The following PCDHA10 variants were observed in gnomAD, a reference collection of about 807,000 sequenced individuals.
PCDHA10 encodes the protein protocadherin alpha 10, also known as protocadherin alpha-10.
PCDHA10 carries 45 observed loss-of-function variants against 61.2 expected under a neutral mutation model. The ratio of observed to expected loss-of-function variants is 0.74; its 90% CI spans 0.58 to 0.94. The LOEUF is 0.94. Ranked by LOEUF, PCDHA10 falls within the 40% of genes least tolerant of loss-of-function variation. The probability of loss-of-function intolerance (pLI) is 0.00; values close to 1 mark genes in which losing one functional copy is unlikely to be tolerated. For synonymous variants in PCDHA10, 602 were observed against 548.8 expected (o/e 1.10, Z -1.35); for missense variants, 1,278 against 1,236.2 (o/e 1.03, Z -0.51).
At chr5:140,920,959 T>G (rs2079949518) in intron 1 of PCDHA10, among the ~76,000 whole-genome samples, 1 of 152,072 alleles carries the variant, frequency 6.6e-6, no homozygotes, top group Non-Finnish European at 1.5e-5. Flanking sequence ...ACTACACATG[T>G]AGTACTAGAG....
chr5:140,928,792 G>A (rs1190569981), intron 1 of PCDHA10: 2 of 1,614,048 alleles, frequency 1.2e-6, no homozygotes, highest in Non-Finnish European at 1.7e-6. Context: ...TAAGCAGAGG[G>A]TGGTGGTAGT....
intron 3 of PCDHA10, among the ~76,000 whole-genome samples, chr5:140,982,794 CAT>C (rs1491349118): frequency 4.0e-5 from 6 of 150,946 alleles, no homozygotes; most frequent in Admixed American, 1.3e-4. Context: ...CGCATGTGTG[CAT>C]GTGTGTGTGT....
At chr5:140,928,276 G>T in intron 1 of PCDHA10, 1 of 1,614,172 alleles carries the variant, frequency 6.2e-7, no homozygotes, top group Non-Finnish European at 8.5e-7. Context: ...TGGCCCTGGG[G>T]CCTCTCTAGG....
At chr5:140,868,865 G>A (rs1554162260) in intron 1 of PCDHA10, 2 of 582,344 alleles carry the variant, frequency 3.4e-6, no homozygotes. Context: ...GGTAAATGCA[G>A]TGCACAGTAC....
At chr5:140,955,692 T>A (rs1021752704) in intron 1 of PCDHA10, among the ~76,000 whole-genome samples, 1 of 152,196 alleles carries the variant, frequency 6.6e-6, no homozygotes, top group African/African-American at 2.4e-5. Context: ...CTGTGATGAA[T>A]GTCAATGGAA....
intron 1 of PCDHA10, among the ~76,000 whole-genome samples, chr5:140,880,228 A>G (rs2058273237): frequency 6.6e-6 from 1 of 152,196 alleles, no homozygotes; most frequent in Non-Finnish European, 1.5e-5. Context: ...GAACATTTAA[A>G]TTAGTGTATG....
rs781784109 is a variant in PCDHA10, at chr5:140,857,234, C to T, written c.1186C>T (p.Leu396=). 1.3e-6 allele frequency: 2 copies of T among 1,598,590 alleles called. No individual in the cohort carries two copies. Among genetic ancestry groups the T allele is most frequent in the South Asian group, 1.1e-5 (1 of 90,538 alleles). Residue 396 remains leucine (L), a synonymous_variant, in exon 1 of 4, where the codon CTG becomes TTG. Transcript: ENST00000307360. ...TCTGACGCCTCACGTTCCGTTCAAG[C>T]TGGTGTCCACCTACAAGAATTACTA... ...CSLTPHVPFK[L]VSTYKNYYSL... is the part of the protein sequence containing the mutation.
intron 1 of PCDHA10, among the ~76,000 whole-genome samples, chr5:140,952,040 G>T (rs1243206064): frequency 1.3e-5 from 2 of 152,216 alleles, no homozygotes; most frequent in African/African-American, 4.8e-5. Context: ...CAGTAGGGCA[G>T]TTATTAAATC....
At chr5:140,904,303 G>A (rs1176685220) in intron 1 of PCDHA10, among the ~76,000 whole-genome samples, 3 of 151,902 alleles carry the variant, frequency 2.0e-5, no homozygotes, top group African/African-American at 7.3e-5. Flanking sequence ...CCATTCCTGA[G>A]TTTCTTCACT....
At chr5:140,937,070 C>G (rs1363778213) in intron 1 of PCDHA10, among the ~76,000 whole-genome samples, 2 of 147,796 alleles carry the variant, frequency 1.4e-5, no homozygotes, top group Admixed American at 1.4e-4. Context: ...CGGAGTCTCG[C>G]TCTGTCGCCC....
At chr5:140,900,058 C>G (rs1013599044) in intron 1 of PCDHA10, among the ~76,000 whole-genome samples, 1 of 152,160 alleles carries the variant, frequency 6.6e-6, no homozygotes, top group Non-Finnish European at 1.5e-5. Flanking sequence ...GATCCTTTAA[C>G]CTCAGCCTCC....
At chr5:140,889,027 C>A (rs1004891593) in intron 1 of PCDHA10, among the ~76,000 whole-genome samples, 5 of 151,910 alleles carry the variant, frequency 3.3e-5, no homozygotes, top group African/African-American at 1.2e-4. Context: ...CCTTGGATAA[C>A]CGTAATTTGA....
Position 140,858,059 on chromosome 5 carries a change from G to C in PCDHA10, c.2011G>C (p.Gly671Arg), listed in dbSNP as rs200045353. 1,846 of 1,597,616 alleles carry C rather than the reference G, an allele frequency of 1.2e-3. 155 individuals carry two copies. The highest frequency in any genetic ancestry group is 1.5e-3 in the Middle Eastern group (9 of 5,984). Residue 671 changes from glycine to arginine, a missense_variant, in exon 1 of 4, where the codon GGC (glycine) becomes CGC (arginine). Gly to Arg is a moderately radical substitution (Grantham distance 125). Coordinates refer to ENST00000307360, the MANE Select transcript of PCDHA10 (RefSeq NM_018901.4). ...TATVLVSLVE[G>R]SQAPKASSRA... ...CACTGTGCTTGTGTCGCTTGTGGAG[G>C]GCAGCCAGGCACCCAAGGCCTCGTC...
intron 1 of PCDHA10, chr5:140,876,536 T>C (rs782148318): frequency 1.2e-6 from 2 of 1,614,238 alleles, no homozygotes; most frequent in Non-Finnish European, 1.7e-6. Context: ...GTTACTTCAC[T>C]GTCGCTCCCT....
At chr5:140,926,987 G>A (rs782407289) in intron 1 of PCDHA10, 13 of 1,610,996 alleles carry the variant, frequency 8.1e-6, no homozygotes, top group Non-Finnish European at 1.1e-5. Flanking sequence ...GAGACGGAGC[G>A]GGGCGTAGCC....
intron 3 of PCDHA10, among the ~76,000 whole-genome samples, chr5:140,995,811 G>A (rs949931541): frequency 6.6e-6 from 1 of 152,240 alleles, no homozygotes; most frequent in South Asian, 2.1e-4. Context: ...GTTTCTGAAG[G>A]GAGATAGCCT....
intron 1 of PCDHA10, among the ~76,000 whole-genome samples, chr5:140,900,300 A>G (rs1554189024): frequency 6.6e-6 from 1 of 151,644 alleles, no homozygotes; most frequent in Non-Finnish European, 1.5e-5. Flanking sequence ...GTTTTTTTAG[A>G]CAGTCTCACT....
intron 1 of PCDHA10, chr5:140,968,895 T>G: frequency 6.2e-7 from 1 of 1,614,218 alleles, no homozygotes; most frequent in Non-Finnish European, 8.5e-7. Context: ...TATCTAATAA[T>G]AGCATTAAGC....
At chr5:140,976,888 A>C (rs1050816491) in intron 1 of PCDHA10, among the ~76,000 whole-genome samples, 1 of 152,218 alleles carries the variant, frequency 6.6e-6, no homozygotes, top group Non-Finnish European at 1.5e-5. Context: ...ATTAGGATAC[A>C]TGCAACAGTA....
Sources: allele counts gnomAD v4.1 joint callset (sites outside exome capture counted in the v4.1 genomes callset), GRCh38; gene constraint gnomAD v4.1.1; transcripts MANE v1.5; gene names NCBI Gene and HGNC (gene_info 2026-07-23, HGNC 2026-07-21).